The following TTLL7 variants were observed in gnomAD, a reference collection of about 807,000 sequenced individuals.
TTLL7 encodes tubulin polyglutamylase TTLL7.
TTLL7 carries 53 observed loss-of-function variants against 120.2 expected under a neutral mutation model. The ratio of observed to expected loss-of-function variants is 0.44; its 90% confidence interval spans 0.35 to 0.55. TTLL7 has a LOEUF of 0.55. Among genes scored for constraint, TTLL7 ranks in the 20% least tolerant of loss-of-function variants. The pLI, the probability that TTLL7 is intolerant of heterozygous loss-of-function variation, is 0.00. For synonymous variants in TTLL7, 353 were observed against 351.7 expected (o/e 1.00, Z -0.04); for missense variants, 803 against 1,054.7 (o/e 0.76, Z 3.31).
chr1:83,879,099 T>TTA (rs1370343024), intron 20 of TTLL7, among the ~76,000 whole-genome samples: 2 of 152,002 alleles, frequency 1.3e-5, no homozygotes, highest in Non-Finnish European at 2.9e-5. Context: ...TATTCATGTT[T>TTA]ATATTACCAA....
chr1:83,893,495 A>G (rs957487557), intron 18 of TTLL7, among the ~76,000 whole-genome samples: 28 of 151,962 alleles, frequency 1.8e-4, no homozygotes, highest in African/African-American at 6.5e-4. Flanking sequence ...GCCTATACAA[A>G]TGAAAGTGGA....
intron 1 of TTLL7, among the ~76,000 whole-genome samples, chr1:83,968,894 AT>A (rs1650724884): frequency 6.6e-6 from 1 of 152,106 alleles, no homozygotes; most frequent in Admixed American, 6.6e-5. Flanking sequence ...GAATGAGAAC[AT>A]TCTTACTTAT....
chr1:83,892,850 GTA>G (rs927274110), intron 18 of TTLL7, among the ~76,000 whole-genome samples: 1 of 17,254 alleles, frequency 5.8e-5, no homozygotes, highest in African/African-American at 2.1e-4. Context: ...ACATATATGA[GTA>G]TATATATGAA....
chr1:83,980,469 A>G (rs1651855039), intron 1 of TTLL7: 1 of 152,222 alleles, frequency 6.6e-6, no homozygotes, highest in African/African-American at 2.4e-5. Context: ...GGATCTTGCC[A>G]TCTTGGCCAG....
At chr1:83,891,192 A>T (rs1655431946) in intron 18 of TTLL7, among the ~76,000 whole-genome samples, 4 of 152,012 alleles carry the variant, frequency 2.6e-5, no homozygotes, top group Non-Finnish European at 4.4e-5. Context: ...AAACTTACAA[A>T]CTGCAAAAAT....
chr1:83,964,596 C>T (rs28366451), intron 1 of TTLL7, among the ~76,000 whole-genome samples: 3,293 of 152,180 alleles, frequency 0.022, 55 homozygotes, highest in African/African-American at 0.044. Flanking sequence ...AAAAAGTATG[C>T]CTCCTGGCTT....
intron 18 of TTLL7, among the ~76,000 whole-genome samples, chr1:83,892,129 A>C (rs1571077019): frequency 6.6e-6 from 1 of 151,516 alleles, no homozygotes; most frequent in Admixed American, 6.6e-5. Flanking sequence ...ACCCCTGGCC[A>C]TGATACGCTT....
intron 20 of TTLL7, among the ~76,000 whole-genome samples, chr1:83,875,558 T>C (rs898189644): frequency 6.6e-6 from 1 of 151,896 alleles, no homozygotes; most frequent in Non-Finnish European, 1.5e-5. Context: ...GGAGAGTAGC[T>C]GTAAAAGGGT....
intron 1 of TTLL7, chr1:83,984,351 G>A (rs1004031426): frequency 4.6e-5 from 7 of 152,168 alleles, no homozygotes; most frequent in African/African-American, 1.7e-4. Flanking sequence ...ACTGTGGAAG[G>A]CAGTTTGGAG....
intron 1 of TTLL7, among the ~76,000 whole-genome samples, chr1:83,975,945 A>G (rs961023278): frequency 3.3e-5 from 5 of 152,008 alleles, no homozygotes; most frequent in Admixed American, 2.0e-4. Flanking sequence ...AGAATAGAAT[A>G]CATGAGAATA....
intron 7 of TTLL7, among the ~76,000 whole-genome samples, chr1:83,938,953 G>A (rs1647672752): frequency 6.6e-6 from 1 of 151,928 alleles, no homozygotes; most frequent in South Asian, 2.1e-4. Flanking sequence ...CAGTTCCTTA[G>A]GCCTATGGTA....
At chr1:83,916,681 G>A (rs531990235) in intron 14 of TTLL7, among the ~76,000 whole-genome samples, 1 of 151,846 alleles carries the variant, frequency 6.6e-6, no homozygotes, top group South Asian at 2.1e-4. Context: ...AAGTGGCTAA[G>A]GACAAAGAGA....
chr1:83,964,238 A>T (rs1650255130), intron 1 of TTLL7, among the ~76,000 whole-genome samples: 1 of 152,106 alleles, frequency 6.6e-6, no homozygotes, highest in African/African-American at 2.4e-5. Context: ...CTGGCACCAC[A>T]ATCTTTGCCA....
intron 6 of TTLL7, 35 bp from the exon 7 acceptor site, chr1:83,942,714 G>C: frequency 6.7e-7 from 1 of 1,490,040 alleles, no homozygotes; most frequent in Non-Finnish European, 9.2e-7. Flanking sequence ...AGAATGATTT[G>C]ACATAGAGCA....
chr1:83,923,628 T>C (rs897700563), intron 10 of TTLL7, among the ~76,000 whole-genome samples: 2 of 152,098 alleles, frequency 1.3e-5, no homozygotes, highest in Non-Finnish European at 1.5e-5. Context: ...CCCTGAGACA[T>C]TGTTTTGTAT....
At chr1:83,962,831 G>A (rs1240099538) in intron 1 of TTLL7, among the ~76,000 whole-genome samples, 1 of 152,072 alleles carries the variant, frequency 6.6e-6, no homozygotes, top group Non-Finnish European at 1.5e-5. Flanking sequence ...GTGTGACATT[G>A]GTTGTGCTCC....
intron 20 of TTLL7, among the ~76,000 whole-genome samples, chr1:83,880,775 A>G (rs926796117): frequency 2.6e-5 from 4 of 152,118 alleles, no homozygotes; most frequent in African/African-American, 7.2e-5. Flanking sequence ...AAGAGCCCGC[A>G]TCGCCAAGTC....
intron 13 of TTLL7, among the ~76,000 whole-genome samples, chr1:83,918,892 G>C (rs1436580963): frequency 6.6e-6 from 1 of 152,094 alleles, no homozygotes; most frequent in Non-Finnish European, 1.5e-5. Flanking sequence ...GTCTAAAATA[G>C]AGAGCTCCTA....
At chr1:83,919,641 T>C (rs1658479178) in intron 13 of TTLL7, 58 bp downstream of exon 13, 2 of 1,476,314 alleles carry the variant, frequency 1.4e-6, no homozygotes, top group African/African-American at 1.4e-5. Flanking sequence ...GGCTTGTCTG[T>C]AAAGACATAT....
Sources: allele counts gnomAD v4.1 joint callset (sites outside exome capture counted in the v4.1 genomes callset), GRCh38; gene constraint gnomAD v4.1.1; transcripts MANE v1.5; gene names NCBI Gene and HGNC (gene_info 2026-07-23, HGNC 2026-07-21).